VAV2: variants seen among roughly 807,000 people sequenced by gnomAD.
VAV2 encodes vav guanine nucleotide exchange factor 2.
Under a neutral mutation model 132.5 loss-of-function variants are expected in VAV2, and 67 were observed. The observed-to-expected ratio is 0.51, with a 90% CI of 0.42 to 0.62. The LOEUF (loss-of-function observed/expected upper bound fraction) is 0.62, where lower values mean the gene tolerates loss of function less well. Ranked by LOEUF, VAV2 falls within the 20% of genes least tolerant of loss-of-function variation. The pLI is 0.00. For missense variants in VAV2, 938 were observed against 1,153.6 expected, an observed-to-expected ratio of 0.81 and a Z score of 2.71; for synonymous variants, 492 against 443.5, an observed-to-expected ratio of 1.11 and a Z score of -1.37.
chr9:133,902,008 G>A (rs1209385219), intron 2 of VAV2, among the ~76,000 whole-genome samples: 1 of 152,058 alleles, frequency 6.6e-6, no homozygotes, highest in Non-Finnish European at 1.5e-5. Context: ...AGACTCTGTG[G>A]ATGCTCCGAG....
chr9:133,966,988 T>C (rs752178572), intron 1 of VAV2, among the ~76,000 whole-genome samples: 19 of 146,972 alleles, frequency 1.3e-4, no homozygotes, highest in Non-Finnish European at 1.9e-4. Flanking sequence ...TAAGCCAAGA[T>C]TGCACCACTG....
At position 133,769,008 on chromosome 9, in the gene VAV2, C is replaced by T. The variant is rs1456041051; in HGVS notation, c.2434+409G>A. Among the ~76,000 whole-genome samples, 2 of 152,234 alleles carry T rather than the reference C, an allele frequency of 1.3e-5. No homozygotes were observed. Among genetic ancestry groups the T allele is most frequent in the African/African-American group, 2.4e-5 (1 of 41,456 alleles). ...CAGCTGCTGGGAAGGGACTTTGACT[C>T]TGGCAGCCGAAAGCCATGAGGTCAA... On this transcript the variant is annotated intron_variant, in intron 28 of 29. Transcript: ENST00000371850. The surrounding 1 kb of genome is among the most constrained non-coding windows in gnomAD (Gnocchi z 8.1).
chr9:133,790,974 T>C (rs1244378349), intron 13 of VAV2, among the ~76,000 whole-genome samples: 1 of 152,016 alleles, frequency 6.6e-6, no homozygotes, highest in Non-Finnish European at 1.5e-5. Flanking sequence ...CTGGTTGGCA[T>C]TACTTGAGGG....
intron 2 of VAV2, among the ~76,000 whole-genome samples, chr9:133,866,125 GCCCTAGGGTGGGCCTGGTTCCAGGC>G (rs964243004): frequency 4.0e-5 from 6 of 151,762 alleles, no homozygotes; most frequent in African/African-American, 1.5e-4. Context: ...TAGGGCCCAA[GCCCTAGGGTGGGCCTGGTTCCAGGC>G]CCCCCAGGGG....
chr9:133,981,224 G>A (rs1363534237), intron 1 of VAV2, among the ~76,000 whole-genome samples: 2 of 152,344 alleles, frequency 1.3e-5, no homozygotes, highest in East Asian at 1.9e-4. Context: ...CTTAGGTGTT[G>A]TAGGACCATC....
Position 133,898,659 on chromosome 9 carries a change from T to C in VAV2, c.322-37227A>G, listed in dbSNP as rs147593258. Among the ~76,000 whole-genome samples the C allele has an allele frequency of 4.1e-3, 617 of 152,246 alleles. 1 individual carries two copies. The highest frequency in any genetic ancestry group is 0.014 in the African/African-American group (591 of 41,534). On this transcript the variant is annotated intron_variant, in intron 2 of 29. Transcript: ENST00000371850. ...CTCAACTGGTATTTAAAATCATCAG[T>C]TGAATGGCGAGGTAGCTGGACTTTT...
intron 2 of VAV2, among the ~76,000 whole-genome samples, chr9:133,862,427 T>C (rs1837633776): frequency 6.6e-6 from 1 of 152,254 alleles, no homozygotes; most frequent in African/African-American, 2.4e-5. Flanking sequence ...ACTCAGTCCC[T>C]GAGGAGGCAG....
intron 2 of VAV2, among the ~76,000 whole-genome samples, chr9:133,889,001 G>A (rs190640775): frequency 1.7e-4 from 26 of 152,268 alleles, no homozygotes; most frequent in Admixed American, 9.8e-4. Flanking sequence ...CAGGGACACC[G>A]CGTCCCCGTC....
At chr9:133,942,981 G>T (rs919774924) in intron 1 of VAV2, among the ~76,000 whole-genome samples, 2 of 152,244 alleles carry the variant, frequency 1.3e-5, no homozygotes, top group Non-Finnish European at 2.9e-5. Context: ...TCCCTTCAGG[G>T]AGCATTTCCT....
intron 26 of VAV2, among the ~76,000 whole-genome samples, chr9:133,771,599 T>G (rs1311641168): frequency 6.6e-6 from 1 of 152,172 alleles, no homozygotes; most frequent in Non-Finnish European, 1.5e-5. Context: ...ACATGTGTAA[T>G]GGGGCTACCC....
intron 18 of VAV2, 133 bp from the exon 19 acceptor site, chr9:133,783,724 C>G (rs577027428): frequency 1.3e-6 from 1 of 752,404 alleles, no homozygotes; most frequent in African/African-American, 1.7e-5. Context: ...TCCCTCATAG[C>G]CCTGAGTATC....
intron 2 of VAV2, among the ~76,000 whole-genome samples, chr9:133,899,383 C>G (rs1341846154): frequency 1.3e-5 from 2 of 151,268 alleles, no homozygotes; most frequent in Non-Finnish European, 2.9e-5. Flanking sequence ...ATAGTGAGAC[C>G]CCAACTCTAC....
intron 1 of VAV2, among the ~76,000 whole-genome samples, chr9:133,976,043 AAG>A (rs199577642): frequency 0.15 from 10,594 of 70,672 alleles, 547 homozygotes; most frequent in African/African-American, 0.22. Context: ...TAAAAAAAAA[AAG>A]AAAATACAAA....
intron 1 of VAV2, among the ~76,000 whole-genome samples, chr9:133,978,744 G>A (rs1228934109): frequency 6.6e-6 from 1 of 152,208 alleles, no homozygotes; most frequent in African/African-American, 2.4e-5. Context: ...GGGCGCAGCC[G>A]CTCAGTCTGG....
chr9:133,887,828 C>T (rs1264254155), intron 2 of VAV2, among the ~76,000 whole-genome samples: 1 of 150,188 alleles, frequency 6.7e-6, no homozygotes, highest in Non-Finnish European at 1.5e-5. Flanking sequence ...GCTTTTGCAT[C>T]TTCAGGGGAG....
chr9:133,964,068 TAAATGA>T (rs1842066526), intron 1 of VAV2, among the ~76,000 whole-genome samples: 17 of 133,130 alleles, frequency 1.3e-4, no homozygotes, highest in South Asian at 2.3e-4. Context: ...TACATATATA[TAAATGA>T]ATAGGCCAGG....
At position 133,771,581 on chromosome 9, in the gene VAV2, G is replaced by C. The variant is rs190299595; in HGVS notation, c.2223+378C>G. Among the ~76,000 whole-genome samples the C allele has an allele frequency of 3.9e-4, 59 of 152,346 alleles. 2 individuals are homozygous for C. In the East Asian group the frequency reaches 0.01, roughly 26 times the overall value. Reference sequence around the variant, plus strand: ...GGGTGAGTCGGAGAAGAAGCTGTTTGAAGCCATACATGTGTAATGGGGCTA... The same window carrying C: ...GGGTGAGTCGGAGAAGAAGCTGTTTCAAGCCATACATGTGTAATGGGGCTA... On this transcript the variant is annotated intron_variant, in intron 26 of 29. Coordinates refer to ENST00000371850, the MANE Select transcript of VAV2 (RefSeq NM_001134398.2).
chr9:133,787,316 G>A (rs1481289702), intron 15 of VAV2, 56 bp from the exon 16 acceptor site: 10 of 1,518,628 alleles, frequency 6.6e-6, no homozygotes, highest in South Asian at 1.3e-5. Context: ...GGCTAAGCCC[G>A]GCCCTGTGGT....
chr9:133,807,038 C>G (rs543382962), intron 8 of VAV2, among the ~76,000 whole-genome samples: 2 of 152,368 alleles, frequency 1.3e-5, no homozygotes, highest in South Asian at 2.1e-4. Context: ...CAGTGCTGCC[C>G]TCACCCGCAG....
Sources: gnomAD v4.1 joint callset for allele counts (sites outside exome capture counted in the v4.1 genomes callset) on GRCh38, gnomAD v4.1.1 for gene constraint, Gnocchi (gnomAD v3.1) non-coding constraint, MANE v1.5 for transcripts, NCBI Gene and HGNC (gene_info 2026-07-23, HGNC 2026-07-21) for gene names.